Variants in CYP2R1 observed in about 807,000 individuals in gnomAD.
CYP2R1 encodes the protein vitamin D 25-hydroxylase.
Under a neutral mutation model 45.7 loss-of-function variants are expected in CYP2R1, and 40 were observed. The ratio of observed to expected loss-of-function variants is 0.87; its 90% CI spans 0.68 to 1.14. CYP2R1 has a LOEUF of 1.14. Among genes scored for constraint, CYP2R1 ranks in the 50% most tolerant of loss-of-function variants. The probability of loss-of-function intolerance (pLI) is 0.00; values close to 1 mark genes in which losing one functional copy is unlikely to be tolerated. For synonymous variants in CYP2R1, 234 were observed against 219.3 expected (o/e 1.07, Z -0.59); for missense variants, 605 against 602.6 (o/e 1.00, Z -0.04).
chr11:14,880,284 C>A lies in CYP2R1; in HGVS notation c.852G>T (p.Met284Ile). 1 of 1,613,058 alleles carries A rather than the reference C, an allele frequency of 6.2e-7. No homozygotes were observed. The highest frequency in any genetic ancestry group is 8.5e-7 in the Non-Finnish European group (1 of 1,179,456). ...QHFVDAYLDE[M>I]DQGKNDPSST... is the part of the protein sequence containing the mutation. Reference sequence around the variant, plus strand: ...ATGATGGGTCATTTTTACCTTGATCCATCTCATCTAAATAAGCATCAACAA... The same window carrying A: ...ATGATGGGTCATTTTTACCTTGATCAATCTCATCTAAATAAGCATCAACAA... Residue 284 changes from methionine (M) to isoleucine (I), a missense_variant, in exon 3 of 5, where the codon ATG becomes ATT. Transcript: ENST00000334636.
At position 14,885,920 on chromosome 11, in the gene CYP2R1, T is replaced by C. The variant is rs1555014394; in HGVS notation, c.226-3A>G. On this transcript the variant is annotated splice_region_variant and splice_polypyrimidine_tract_variant and intron_variant, in intron 1 of 4. Transcript: ENST00000334636. ...CCTCCAAGATCTAAACTGAAGATCT[T>C]TGAGAAGAGAAGAAAAACAACATTT... The C allele has an allele frequency of 6.2e-7, 1 of 1,613,028 alleles. No homozygotes were observed. The highest frequency in any genetic ancestry group is 8.5e-7 in the Non-Finnish European group (1 of 1,179,320).
chr11:14,886,097 T>G (rs1428481644), intron 1 of CYP2R1, 180 bp from the exon 2 acceptor site: 5 of 629,824 alleles, frequency 7.9e-6, no homozygotes, highest in African/African-American at 1.8e-5. Flanking sequence ...CATGCAAAAC[T>G]GTGTGATTTC....
At chr11:14,881,461 T>A (rs1555012300) in intron 2 of CYP2R1, among the ~76,000 whole-genome samples, 1 of 152,104 alleles carries the variant, frequency 6.6e-6, no homozygotes, top group Non-Finnish European at 1.5e-5. Flanking sequence ...TCAGTGCACA[T>A]ATTTATGTAA....
rs537184108 is a variant in CYP2R1, at chr11:14,882,165, T to A, written c.368-1397A>T. ...ATGTATTTGTGGAACACCTACTATG[T>A]TCCAGGCAATGTTCTAAGTGTCAGG... is the stretch of plus-strand genomic sequence containing the variant. On this transcript the variant is annotated intron_variant, in intron 2 of 4. Coordinates refer to ENST00000334636, the MANE Select transcript of CYP2R1 (RefSeq NM_024514.5). 3.9e-5 allele frequency among the ~76,000 whole-genome samples: 6 copies of A among 152,250 alleles called. No individual in the cohort carries two copies. The South Asian group carries it at 1.2e-3, about 32-fold the overall frequency.
intron 2 of CYP2R1, among the ~76,000 whole-genome samples, chr11:14,881,540 T>A (rs1291599344): frequency 6.6e-6 from 1 of 152,112 alleles, no homozygotes; most frequent in Non-Finnish European, 1.5e-5. Context: ...TTCACATTGA[T>A]AAGTGATTCC....
chr11:14,879,090 T>TA (rs1555010734), intron 4 of CYP2R1, 24 bp downstream of exon 4: 3 of 1,565,146 alleles, frequency 1.9e-6, no homozygotes, highest in East Asian at 4.5e-5. Context: ...ATTCTAAAGT[T>TA]ACGCCCCGTG....
At chr11:14,880,875 G>T (rs545936252) in intron 2 of CYP2R1, 107 bp from the exon 3 acceptor site, 5 of 1,048,538 alleles carry the variant, frequency 4.8e-6, no homozygotes, top group African/African-American at 1.6e-5. Context: ...TCTCCAAATT[G>T]TCCTCCTATA....
chr11:14,888,773 ATAAAGTTC>A (rs1337938777), intron 1 of CYP2R1, among the ~76,000 whole-genome samples: 3 of 152,216 alleles, frequency 2.0e-5, no homozygotes, highest in African/African-American at 7.2e-5. Context: ...AGTGCTGTGC[ATAAAGTTC>A]TCAATAAATG....
chr11:14,888,378 A>G (rs1234986152), intron 1 of CYP2R1, among the ~76,000 whole-genome samples: 2 of 152,228 alleles, frequency 1.3e-5, no homozygotes, highest in South Asian at 2.1e-4. Flanking sequence ...ACATTTAAAC[A>G]TATTATTATA....
chr11:14,891,897 C>T (rs942664550), intron 1 of CYP2R1, 84 bp downstream of exon 1: 1 of 1,503,120 alleles, frequency 6.7e-7, no homozygotes, highest in Non-Finnish European at 9.0e-7. Flanking sequence ...GGCCCAGGGG[C>T]GGCCATAAGT....
intron 2 of CYP2R1, among the ~76,000 whole-genome samples, chr11:14,883,298 A>G (rs1208065849): frequency 2.0e-5 from 3 of 152,218 alleles, no homozygotes; most frequent in South Asian, 4.1e-4. Flanking sequence ...ACAAGGCTAC[A>G]CTAACCAAAA....
chr11:14,889,285 ATTC>A (rs2134095042), intron 1 of CYP2R1, among the ~76,000 whole-genome samples: 1 of 152,182 alleles, frequency 6.6e-6, no homozygotes, highest in East Asian at 1.9e-4. Flanking sequence ...AGGGAACAAT[ATTC>A]TTCAACCTCC....
chr11:14,884,654 A>G (rs1848538137), intron 2 of CYP2R1, among the ~76,000 whole-genome samples: 1 of 152,066 alleles, frequency 6.6e-6, no homozygotes, highest in Non-Finnish European at 1.5e-5. Context: ...CAAATTGTGC[A>G]CCTGTACCCT....
At chr11:14,889,305 A>G (rs1475900833) in intron 1 of CYP2R1, among the ~76,000 whole-genome samples, 1 of 152,232 alleles carries the variant, frequency 6.6e-6, no homozygotes, top group African/African-American at 2.4e-5. Context: ...CTCCAAAAAA[A>G]GGTATAGTAT....
At position 14,879,276 on chromosome 11, in the gene CYP2R1, G is replaced by A. The variant is rs782206031; in HGVS notation, c.1168C>T (p.Arg390Cys). 11 of 1,613,112 alleles carry A rather than the reference G, an allele frequency of 6.8e-6. No individual in the cohort carries two copies. The highest frequency in any genetic ancestry group is 3.3e-5 in the South Asian group (3 of 91,064). ...FHATSEDAVV[R>C]GYSIPKGTTV... Reference sequence around the variant, plus strand: ...GTGCCTTTAGGAATGGAATAACCACGTACAACTGCATCTTCAGAGGTTGCA... The same window carrying A: ...GTGCCTTTAGGAATGGAATAACCACATACAACTGCATCTTCAGAGGTTGCA... Residue 390 changes from arginine (R) to cysteine (C), a missense_variant, in exon 4 of 5, where the codon CGT (arginine) becomes TGT (cysteine). Coordinates refer to ENST00000334636, the MANE Select transcript of CYP2R1 (RefSeq NM_024514.5).
chr11:14,886,528 G>C (rs1555014751), intron 1 of CYP2R1: 1 of 153,460 alleles, frequency 6.5e-6, no homozygotes, highest in Non-Finnish European at 1.5e-5. Flanking sequence ...TAGGTTAGGT[G>C]GCTGCCTCTC....
Position 14,892,124 on chromosome 11 carries a change from G to T in CYP2R1, c.82C>A (p.Arg28Ser), listed in dbSNP as rs782123787. The change falls in exon 1 of 5, where the codon CGC becomes AGC. Residue 28 changes from arginine (R) to serine (S), a missense_variant. Transcript: ENST00000334636. ...LFLLLFALGV[R>S]QLLKQRRPMG... ...GGCCGCCTCTGCTTCAGCAGCTGGC[G>T]GACCCCTAGCGCGAAGAGCAGCAGG... 1 of 1,611,620 alleles carries T rather than the reference G, an allele frequency of 6.2e-7. No individual in the cohort carries two copies. The highest frequency in any genetic ancestry group is 1.1e-5 in the South Asian group (1 of 91,024).
At position 14,878,202 on chromosome 11, in the gene CYP2R1, C is replaced by G; in HGVS notation, c.1426G>C (p.Glu476Gln). The change falls in exon 5 of 5, where the codon GAA (glutamate) becomes CAA (glutamine). Residue 476 changes from glutamate (E) to glutamine (Q), a missense_variant. By Grantham distance (29) the Glu-to-Gln change is conservative (BLOSUM62 2). Transcript: ENST00000334636. Reference protein sequence around the residue: ...LQRFHLHFPHELVPDLKPRLG... With the variant: ...LQRFHLHFPHQLVPDLKPRLG... The stretch of plus-strand genomic sequence containing the variant: ...CTGGGCTTCAGATCTGGAACTAGTT[C>G]ATGTGGAAAATGCAAATGAAACCTC... The G allele has an allele frequency of 6.2e-7, 1 of 1,613,226 alleles. No homozygotes were observed.
Position 14,878,278 on chromosome 11 carries a change from T to C in CYP2R1, c.1350A>G (p.Gly450=), listed in dbSNP as rs1700770713. The C allele has an allele frequency of 6.2e-7, 1 of 1,613,012 alleles. No individual in the cohort carries two copies. Among genetic ancestry groups the C allele is most frequent in the Non-Finnish European group, 8.5e-7 (1 of 1,179,340 alleles). ...ACATTTCCATCCGAGCCAAGTGTTC[T>C]CCAAGACAATGTCTTCTTCCTAAAC... ...PFSLGRRHCL[G]EHLARMEMFL... The change falls in exon 5 of 5, where the codon GGA becomes GGG. Residue 450 remains glycine (G), a synonymous_variant. Coordinates refer to ENST00000334636, the MANE Select transcript of CYP2R1 (RefSeq NM_024514.5).
Sources: gnomAD v4.1 joint callset for allele counts (sites outside exome capture counted in the v4.1 genomes callset) on GRCh38, gnomAD v4.1.1 for gene constraint, MANE v1.5 for transcripts, NCBI Gene and HGNC (gene_info 2026-07-23, HGNC 2026-07-21) for gene names.